NSD3: variants seen among roughly 807,000 people sequenced by gnomAD.
NSD3 encodes the protein histone-lysine N-methyltransferase NSD3.
Under a neutral mutation model 160.8 loss-of-function variants are expected in NSD3, and 24 were observed. That is an observed-to-expected ratio of 0.15 (90% CI 0.11 to 0.21). The LOEUF (loss-of-function observed/expected upper bound fraction) is 0.21. NSD3 is among the 10% of genes least tolerant of loss of function. The probability of loss-of-function intolerance (pLI) is 1.00; values close to 1 mark genes in which losing one functional copy is unlikely to be tolerated. For missense variants in NSD3, 1,157 were observed against 1,735.9 expected, an observed-to-expected ratio of 0.67 and a Z score of 5.93; for synonymous variants, 520 against 600.0, an observed-to-expected ratio of 0.87 and a Z score of 1.95.
rs1286942209 is a variant in NSD3 at position 38,321,768 on chromosome 8, T to C, written c.1709-596A>G. 6.6e-6 allele frequency among the ~76,000 whole-genome samples: 1 copy of C among 152,242 alleles called. No individual in the cohort carries two copies. The highest frequency in any genetic ancestry group is 2.4e-5 in the African/African-American group (1 of 41,460). ...AATTTGACTATCAAGGGATCTGTTA[T>C]ACTCTGGAAATAATTAGTCGTGGAA... On this transcript the variant is annotated intron_variant, in intron 7 of 23. Coordinates refer to ENST00000317025, the MANE Select transcript of NSD3 (RefSeq NM_023034.2). This position sits in a 1 kb window ranked among gnomAD's most constrained non-coding sequence, Gnocchi z 4.7.
intron 5 of NSD3, among the ~76,000 whole-genome samples, chr8:38,331,214 A>G (rs996476927): frequency 6.6e-6 from 1 of 152,196 alleles, no homozygotes; most frequent in Non-Finnish European, 1.5e-5. Context: ...GCAGGTAGCT[A>G]AAGTTTTTAA....
chr8:38,276,536 A>T lies in NSD3; in HGVS notation c.3868-36T>A, dbSNP rs191988306. 1.9e-5 allele frequency: 30 copies of T among 1,610,146 alleles called. No homozygotes were observed. In the East Asian group the frequency reaches 5.8e-4, roughly 31 times the overall value. On this transcript the variant is annotated intron_variant, in intron 22 of 23. Coordinates refer to ENST00000317025, the MANE Select transcript of NSD3 (RefSeq NM_023034.2). ...AGAAAGGATCATAGTTTCAAACATC[A>T]CAGACAGTGCATGAAGCTGGACACA...
At chr8:38,381,158 G>A (rs1811540575) in intron 1 of NSD3, among the ~76,000 whole-genome samples, 1 of 151,970 alleles carries the variant, frequency 6.6e-6, no homozygotes, top group African/African-American at 2.4e-5. Context: ...ACGCTAAGTC[G>A]ATCGTTCTCA....
chr8:38,323,203 C>T (rs536713049), intron 7 of NSD3, among the ~76,000 whole-genome samples: 5 of 152,110 alleles, frequency 3.3e-5, no homozygotes, highest in South Asian at 2.1e-4. Context: ...TACAGGCGTG[C>T]GCCACCATGC....
At position 38,280,399 on chromosome 8, in the gene NSD3, T is replaced by C. The variant is rs115232265; in HGVS notation, c.3619-718A>G. Reference sequence around the variant, plus strand: ...TCATAAAGAACGACATTTTAACTGATGTTTATGAAATATGTTTATGAAAGT... The same window carrying C: ...TCATAAAGAACGACATTTTAACTGACGTTTATGAAATATGTTTATGAAAGT... On this transcript the variant is annotated intron_variant, in intron 20 of 23. Transcript: ENST00000317025. Among the ~76,000 whole-genome samples the C allele has an allele frequency of 5.2e-3, 793 of 152,296 alleles. 11 individuals are homozygous for C. The highest frequency in any genetic ancestry group is 0.018 in the African/African-American group (759 of 41,560).
intron 1 of NSD3, among the ~76,000 whole-genome samples, chr8:38,356,445 G>A (rs1219597754): frequency 1.3e-5 from 2 of 152,066 alleles, no homozygotes; most frequent in Non-Finnish European, 2.9e-5. Flanking sequence ...AGCCAGGCAT[G>A]GTGGCTCATG....
At chr8:38,366,043 G>A (rs555397956) in intron 1 of NSD3, among the ~76,000 whole-genome samples, 7 of 147,692 alleles carry the variant, frequency 4.7e-5, no homozygotes, top group Non-Finnish European at 7.4e-5. Flanking sequence ...CCTGGGAGGC[G>A]AAGGTTGCAG....
At chr8:38,346,130 T>A (rs1337751120) in intron 2 of NSD3, among the ~76,000 whole-genome samples, 1 of 151,266 alleles carries the variant, frequency 6.6e-6, no homozygotes, top group African/African-American at 2.4e-5. Flanking sequence ...CTATGAGAAC[T>A]TATGTACACA....
At chr8:38,283,917 C>T (rs1808793737) in intron 19 of NSD3, among the ~76,000 whole-genome samples, 1 of 151,910 alleles carries the variant, frequency 6.6e-6, no homozygotes, top group Admixed American at 6.6e-5. Flanking sequence ...GCCTGGGCAA[C>T]ACAGTGAAAC....
chr8:38,290,335 T>C (rs1808972837), intron 17 of NSD3, 140 bp downstream of exon 17: 1 of 842,096 alleles, frequency 1.2e-6, no homozygotes. Context: ...GGTTCTAATG[T>C]GACTGGAAGC....
chr8:38,280,541 T>C (rs112014738), intron 20 of NSD3, among the ~76,000 whole-genome samples: 2 of 152,176 alleles, frequency 1.3e-5, no homozygotes, highest in African/African-American at 2.4e-5. Context: ...ACAGGAAATA[T>C]GGGTACTAGT....
At chr8:38,303,606 T>C (rs1280504398) in intron 14 of NSD3, among the ~76,000 whole-genome samples, 12 of 152,252 alleles carry the variant, frequency 7.9e-5, no homozygotes, top group Admixed American at 3.3e-4. Context: ...AGATCTATCA[T>C]ACTACCTAAA....
Position 38,329,654 on chromosome 8 carries a change from T to C in NSD3, c.1305A>G (p.Ala435=). 2 of 1,614,248 alleles carry C rather than the reference T, an allele frequency of 1.2e-6. No homozygotes were observed. The highest frequency in any genetic ancestry group is 1.7e-6 in the Non-Finnish European group (2 of 1,180,048). Residue 435 remains alanine (A), a synonymous_variant, in exon 6 of 24, where the codon GCA becomes GCG. Coordinates refer to ENST00000317025, the MANE Select transcript of NSD3 (RefSeq NM_023034.2). The surrounding 1 kb of genome is among the most constrained non-coding windows in gnomAD (Gnocchi z 4.8). ...TTGAGAGTGAGGAGGCCACCTCCCC[T>C]GCATTGGTCTGTTCTGGCTGAGTAT... ...VLNTQPEQTN[A]GEVASSLSST...
chr8:38,306,429 T>A (rs1257510525), intron 12 of NSD3, among the ~76,000 whole-genome samples: 1 of 151,818 alleles, frequency 6.6e-6, no homozygotes, highest in Non-Finnish European at 1.5e-5. Context: ...CAAAAAAAAA[T>A]TTTAGGCCCA....
intron 8 of NSD3, chr8:38,320,268 A>G (rs929329323): frequency 6.6e-6 from 1 of 152,148 alleles, no homozygotes; most frequent in Non-Finnish European, 1.5e-5. Context: ...TTCCATATAA[A>G]TGGTTTAAAA....
At chr8:38,328,233 G>C (rs1431068391) in intron 6 of NSD3, among the ~76,000 whole-genome samples, 2 of 152,106 alleles carry the variant, frequency 1.3e-5, no homozygotes, top group Non-Finnish European at 2.9e-5. Flanking sequence ...TATATTTTTA[G>C]AGTCTTCATT....
In NSD3 at chr8:38,304,655, C is replaced by A; in HGVS notation, c.2543G>T (p.Ser848Ile). 1 of 1,614,096 alleles carries A rather than the reference C, an allele frequency of 6.2e-7. No homozygotes were observed. The highest frequency in any genetic ancestry group is 8.5e-7 in the Non-Finnish European group (1 of 1,180,004). Residue 848 changes from serine (S) to isoleucine (I), a missense_variant, in exon 14 of 24, where the codon AGT becomes ATT. Coordinates refer to ENST00000317025, the MANE Select transcript of NSD3 (RefSeq NM_023034.2). ...MLVSSYILIC[S>I]NHSKRSSNSS... Reference sequence around the variant, plus strand: ...ATTACTGCTCCGTTTGGAATGATTACTACAGATGAGAATGTAGGAGGATAC... The same window carrying A: ...ATTACTGCTCCGTTTGGAATGATTAATACAGATGAGAATGTAGGAGGATAC...
At chr8:38,310,990 CTTTT>C (rs1439010457) in intron 12 of NSD3, among the ~76,000 whole-genome samples, 5 of 149,952 alleles carry the variant, frequency 3.3e-5, no homozygotes, top group Non-Finnish European at 5.9e-5. Context: ...ATGTTGTTTT[CTTTT>C]TTCTTTTTTT....
intron 1 of NSD3, among the ~76,000 whole-genome samples, chr8:38,350,205 A>G (rs1810653735): frequency 6.6e-6 from 1 of 152,180 alleles, no homozygotes; most frequent in Non-Finnish European, 1.5e-5. Flanking sequence ...ATACCCAGTA[A>G]TGGGATGCCT....
Sources: allele counts gnomAD v4.1 joint callset (sites outside exome capture counted in the v4.1 genomes callset), GRCh38; gene constraint gnomAD v4.1.1; non-coding constraint Gnocchi (gnomAD v3.1); transcripts MANE v1.5; gene names NCBI Gene and HGNC (gene_info 2026-07-23, HGNC 2026-07-21).